The following CSMD1 variants were observed in gnomAD, a reference collection of about 807,000 sequenced individuals.
CSMD1 encodes CUB and sushi domain-containing protein 1.
Under a neutral mutation model 417.5 loss-of-function variants are expected in CSMD1, and 213 were observed. The ratio of observed to expected loss-of-function variants is 0.51; its 90% CI spans 0.46 to 0.57. CSMD1 has a LOEUF of 0.57. CSMD1 is among the 20% of genes least tolerant of loss of function. CSMD1 has a pLI of 0.00. For synonymous variants in CSMD1, 2,862 were observed against 1,736.8 expected (o/e 1.65, Z -16.11); for missense variants, 6,923 against 4,529.7 (o/e 1.53, Z -15.17).
chr8:3,925,344 C>T (rs1230777466), intron 5 of CSMD1, among the ~76,000 whole-genome samples: 1 of 152,034 alleles, frequency 6.6e-6, no homozygotes, highest in Non-Finnish European at 1.5e-5. Context: ...ATATGCTATC[C>T]TATTTTAATT....
intron 51 of CSMD1, among the ~76,000 whole-genome samples, chr8:3,025,520 G>A (rs1159416532): frequency 6.6e-6 from 1 of 152,232 alleles, no homozygotes; most frequent in Non-Finnish European, 1.5e-5. Context: ...TTCCGAAACA[G>A]CTCTTCTAAA....
In CSMD1 at chr8:3,290,372, T is replaced by C. The variant is rs1391158478; in HGVS notation, c.3951-6026A>G. Among the ~76,000 whole-genome samples, 2 of 146,906 alleles carry C rather than the reference T, an allele frequency of 1.4e-5. 1 individual carries two copies. The highest frequency in any genetic ancestry group is 5.4e-5 in the African/African-American group (2 of 36,844). On this transcript the variant is annotated intron_variant, in intron 25 of 69. Coordinates refer to ENST00000635120, the MANE Select transcript of CSMD1 (RefSeq NM_033225.6). The stretch of plus-strand genomic sequence containing the variant: ...TTTCTAATTCTGTGAAGAAAGTCAT[T>C]GGTAACTTGAAGGGGATGGCATTGA...
chr8:3,678,313 T>G (rs1420061287), intron 7 of CSMD1, among the ~76,000 whole-genome samples: 1 of 152,136 alleles, frequency 6.6e-6, no homozygotes, highest in Non-Finnish European at 1.5e-5. Context: ...AATGGCTAAC[T>G]AGAATAACCA....
In CSMD1 at chr8:4,172,850, A is replaced by G. The variant is rs192400809; in HGVS notation, c.416-140751T>C. Among the ~76,000 whole-genome samples, 348 of 152,234 alleles carry G rather than the reference A, an allele frequency of 2.3e-3. 1 individual carries two copies. Among genetic ancestry groups the G allele is most frequent in the African/African-American group, 8.0e-3 (334 of 41,526 alleles). On this transcript the variant is annotated intron_variant, in intron 3 of 69. Transcript: ENST00000635120. ...ATATGGAAGGGACTGAGGGCTGTCC[A>G]CAGCCGTGTGCGTAGGCATAAAAGG...
At chr8:4,017,190 ATCTTTTTT>A (rs1460616639) in intron 4 of CSMD1, among the ~76,000 whole-genome samples, 1 of 152,196 alleles carries the variant, frequency 6.6e-6, no homozygotes, top group Non-Finnish European at 1.5e-5. Flanking sequence ...CCTTCTAGAT[ATCTTTTTT>A]TAAAGTTTTT....
intron 12 of CSMD1, among the ~76,000 whole-genome samples, chr8:3,433,059 T>C (rs767377890): frequency 1.1e-4 from 17 of 152,202 alleles, no homozygotes; most frequent in South Asian, 2.1e-4. Flanking sequence ...AACTGTGTCA[T>C]AGCAACCTAG....
chr8:4,854,804 G>C (rs1400042762), intron 1 of CSMD1, among the ~76,000 whole-genome samples: 2 of 152,168 alleles, frequency 1.3e-5, no homozygotes, highest in African/African-American at 4.8e-5. Flanking sequence ...AGCAGTCTGA[G>C]ATCAAACTGC....
At chr8:4,289,333 C>A (rs141277233) in intron 3 of CSMD1, among the ~76,000 whole-genome samples, 2 of 152,172 alleles carry the variant, frequency 1.3e-5, no homozygotes, top group African/African-American at 4.8e-5. Context: ...AACTCCCATA[C>A]ATTTAAAATA....
intron 5 of CSMD1, among the ~76,000 whole-genome samples, chr8:3,932,452 G>C (rs11990480): frequency 0.33 from 49,719 of 149,860 alleles, 9,841 homozygotes; most frequent in Non-Finnish European, 0.35. Flanking sequence ...CCCAGCCTCA[G>C]CACGGTAATA....
chr8:3,723,040 A>G (rs1425957241), intron 6 of CSMD1, among the ~76,000 whole-genome samples: 1 of 152,148 alleles, frequency 6.6e-6, no homozygotes, highest in Non-Finnish European at 1.5e-5. Flanking sequence ...TCTAACACTC[A>G]AGGAACTAGC....
intron 6 of CSMD1, among the ~76,000 whole-genome samples, chr8:3,746,114 C>T (rs1226000390): frequency 6.6e-6 from 1 of 152,162 alleles, no homozygotes; most frequent in Non-Finnish European, 1.5e-5. Flanking sequence ...CAGATTTGGC[C>T]AACGATATTG....
intron 6 of CSMD1, among the ~76,000 whole-genome samples, chr8:3,741,954 A>T (rs1796827706): frequency 6.6e-6 from 1 of 150,390 alleles, no homozygotes; most frequent in Non-Finnish European, 1.5e-5. Flanking sequence ...GGCAAATCTA[A>T]TTCCACTTTT....
chr8:3,424,944 T>C (rs896880927), intron 12 of CSMD1, among the ~76,000 whole-genome samples: 8 of 152,192 alleles, frequency 5.3e-5, no homozygotes, highest in Non-Finnish European at 7.3e-5. Flanking sequence ...AAGTGATCTT[T>C]CGACCTCAGC....
chr8:3,647,235 G>A (rs1797620408), intron 7 of CSMD1, among the ~76,000 whole-genome samples: 1 of 152,182 alleles, frequency 6.6e-6, no homozygotes, highest in Non-Finnish European at 1.5e-5. Flanking sequence ...TGAAACTTCA[G>A]CAAGGGATGA....
rs148709007 is a variant in CSMD1, at chr8:4,500,109, G to C, written c.303-80044C>G. Among the ~76,000 whole-genome samples, 490 of 151,600 alleles carry C rather than the reference G, an allele frequency of 3.2e-3. 3 individuals are homozygous for C. Among genetic ancestry groups the C allele is most frequent in the African/African-American group, 0.011 (467 of 41,244 alleles). On this transcript the variant is annotated intron_variant, in intron 2 of 69. Coordinates refer to ENST00000635120, the MANE Select transcript of CSMD1 (RefSeq NM_033225.6). ...ATACTAGGTGAAAAGGTATAAAGAGGCTGGGAGAATACAATGTCTCTGAAG... is the reference window on the plus strand; with the variant it reads ...ATACTAGGTGAAAAGGTATAAAGAGCCTGGGAGAATACAATGTCTCTGAAG...
intron 1 of CSMD1, among the ~76,000 whole-genome samples, chr8:4,680,975 T>TGTTTGTGTGA (rs767579851): frequency 1.5e-5 from 2 of 136,682 alleles, no homozygotes; most frequent in African/African-American, 5.6e-5. Context: ...TGTGTGTGTG[T>TGTTTGTGTGA]GAGAGAGAGA....
At chr8:3,596,176 G>A (rs1425677689) in intron 8 of CSMD1, among the ~76,000 whole-genome samples, 4 of 152,198 alleles carry the variant, frequency 2.6e-5, no homozygotes, top group Non-Finnish European at 5.9e-5. Flanking sequence ...AGACATGGGA[G>A]AAGGAAGCAG....
chr8:3,733,203 ACACT>A lies in CSMD1; in HGVS notation c.931+20723_931+20726del, dbSNP rs1430911743. On this transcript the variant is annotated intron_variant, in intron 6 of 69. Coordinates refer to ENST00000635120, the MANE Select transcript of CSMD1 (RefSeq NM_033225.6). ...CACACACACACACACACACACACAC[ACACT>A]CTCTCTCTCTCATACATACACATAC... Among the ~76,000 whole-genome samples the A allele has an allele frequency of 8.9e-4, 102 of 114,430 alleles. 1 individual carries two copies. Among genetic ancestry groups the A allele is most frequent in the African/African-American group, 4.1e-3 (89 of 21,940 alleles). The allele number at this position is 114,430 out of a possible 152,430, so 75.1% of individuals were successfully genotyped here. A position where few individuals can be genotyped will look rare whatever the true frequency, so the allele number is the denominator to read the frequency against.
At chr8:4,082,552 A>C (rs1266247336) in intron 3 of CSMD1, among the ~76,000 whole-genome samples, 1 of 152,066 alleles carries the variant, frequency 6.6e-6, no homozygotes, top group Non-Finnish European at 1.5e-5. Flanking sequence ...AAACAAACAA[A>C]ATTACAGACC....
Sources: allele counts gnomAD v4.1 joint callset (sites outside exome capture counted in the v4.1 genomes callset), GRCh38; gene constraint gnomAD v4.1.1; transcripts MANE v1.5; gene names NCBI Gene and HGNC (gene_info 2026-07-23, HGNC 2026-07-21).